The following FANCD2 variants were observed in gnomAD, a reference collection of about 807,000 sequenced individuals.
The protein encoded by FANCD2 is Fanconi anemia group D2 protein.
A neutral mutation model predicts 192.3 loss-of-function variants in FANCD2; 131 were observed. That is an observed-to-expected ratio of 0.68 (90% CI 0.59 to 0.79). The LOEUF (loss-of-function observed/expected upper bound fraction) is 0.79, where lower values mean the gene tolerates loss of function less well. Ranked by LOEUF, FANCD2 falls within the 30% of genes least tolerant of loss-of-function variation. FANCD2 has a pLI of 0.00. For missense variants in FANCD2, 1,508 were observed against 1,701.6 expected, an observed-to-expected ratio of 0.89 and a Z score of 2.00; for synonymous variants, 524 against 612.5, an observed-to-expected ratio of 0.86 and a Z score of 2.13.
chr3:10,086,022 G>T, intron 33 of FANCD2, 100 bp downstream of exon 33: 1 of 793,234 alleles, frequency 1.3e-6, no homozygotes, highest in East Asian at 2.5e-5. Flanking sequence ...TTCAGTAGTT[G>T]TAAAGGAAAT....
chr3:10,040,700 T>C, intron 9 of FANCD2: 1 of 374,288 alleles, frequency 2.7e-6, no homozygotes, highest in Non-Finnish European at 5.2e-6. Flanking sequence ...TTTATTGTAC[T>C]AGAAGTATTT....
chr3:10,050,346 C>T (rs927516617), intron 17 of FANCD2, among the ~76,000 whole-genome samples: 5 of 152,018 alleles, frequency 3.3e-5, no homozygotes, highest in East Asian at 1.9e-4. Context: ...TGTGGCGGTC[C>T]GGGTGCGGTG....
chr3:10,063,722 G>C (rs1422595658), intron 20 of FANCD2, 70 bp from the exon 21 acceptor site: 2 of 1,608,292 alleles, frequency 1.2e-6, no homozygotes. Context: ...AAACAGTCTT[G>C]AAAGGGGCGA....
intron 36 of FANCD2, 90 bp from the exon 37 acceptor site, chr3:10,090,202 G>C: frequency 1.1e-6 from 1 of 887,390 alleles, no homozygotes; most frequent in East Asian, 2.5e-5. Flanking sequence ...GAGAGGTAGG[G>C]AAGGAAGCTA....
intron 14 of FANCD2, among the ~76,000 whole-genome samples, chr3:10,044,758 AT>A (rs1437991624): frequency 6.6e-6 from 1 of 152,110 alleles, no homozygotes; most frequent in East Asian, 1.9e-4. Flanking sequence ...AAAATTCAGA[AT>A]TTTTTCTGGT....
intron 40 of FANCD2, chr3:10,094,985 T>A: frequency 1.7e-6 from 1 of 577,168 alleles, no homozygotes; most frequent in South Asian, 2.0e-5. Flanking sequence ...GCAGGTCTTA[T>A]AACTCTCAGA....
At chr3:10,069,803 G>A (rs1171025194) in intron 26 of FANCD2, among the ~76,000 whole-genome samples, 2 of 152,064 alleles carry the variant, frequency 1.3e-5, no homozygotes, top group East Asian at 1.9e-4. Context: ...GCGTGATCTC[G>A]GCTCGCTACA....
chr3:10,027,854 G>T (rs2086492920), intron 1 of FANCD2, among the ~76,000 whole-genome samples: 1 of 144,580 alleles, frequency 6.9e-6, no homozygotes, highest in African/African-American at 2.7e-5. Flanking sequence ...GCAGTGAGCC[G>T]AGGCTGCACC....
chr3:10,081,398 A>C lies in FANCD2; in HGVS notation c.3158A>C (p.Gln1053Pro), dbSNP rs1693826120. The C allele has an allele frequency of 2.5e-6, 4 of 1,614,142 alleles. No individual in the cohort carries two copies. The East Asian group carries it at 8.9e-5, about 36-fold the overall frequency. The stretch of plus-strand genomic sequence containing the variant: ...GTTGATGGACCAGGAGTGAAAGTTC[A>C]GGAGTACCACATAATGTCTTCCTGC... ...GVVDGPGVKV[Q>P]EYHIMSSCYQ... The change falls in exon 32 of 44, where the codon CAG becomes CCG. Residue 1053 changes from glutamine (Q) to proline (P), a missense_variant. Gln to Pro is a moderately conservative substitution (Grantham distance 76). Coordinates refer to ENST00000675286, the MANE Select transcript of FANCD2 (RefSeq NM_001018115.3).
At chr3:10,080,366 T>C (rs562716514) in intron 30 of FANCD2, among the ~76,000 whole-genome samples, 102 of 152,364 alleles carry the variant, frequency 6.7e-4, no homozygotes, top group African/African-American at 2.3e-3. Flanking sequence ...CCTGAGTAGC[T>C]AGGACCACAG....
chr3:10,060,526 G>A, intron 19 of FANCD2, 123 bp downstream of exon 19: 1 of 770,984 alleles, frequency 1.3e-6, no homozygotes, highest in Non-Finnish European at 2.3e-6. Flanking sequence ...AATGTGTTTT[G>A]CTACTTTTCC....
intron 18 of FANCD2, among the ~76,000 whole-genome samples, chr3:10,054,346 TATATAC>T (rs2087311388): frequency 7.8e-6 from 1 of 128,750 alleles, no homozygotes; most frequent in African/African-American, 3.5e-5. Context: ...CATATATATA[TATATAC>T]GTATATATAT....
At chr3:10,052,573 A>G in intron 18 of FANCD2, 76 bp downstream of exon 18, 10 of 962,462 alleles carry the variant, frequency 1.0e-5, no homozygotes, top group South Asian at 2.6e-5. Context: ...ACTGGAGTGC[A>G]GTTGGCACGA....
At chr3:10,055,052 C>T (rs1048123473) in intron 18 of FANCD2, among the ~76,000 whole-genome samples, 1 of 152,052 alleles carries the variant, frequency 6.6e-6, no homozygotes, top group Admixed American at 6.6e-5. Flanking sequence ...GTTTCCTTTC[C>T]CTTCTTGTTC....
Position 10,046,453 on chromosome 3 carries a change from G to A in FANCD2, c.1135-127G>A, listed in dbSNP as rs1246548783. 5 of 1,480,664 alleles carry A rather than the reference G, an allele frequency of 3.4e-6. No homozygotes were observed. The East Asian group carries it at 1.2e-4, about 37-fold the overall frequency. 91.7% of individuals were successfully genotyped at this position (1,480,664 alleles called of 1,614,324 possible). ...TGTGAAAAGTGTAGATACTCCCAGG[G>A]GAGTGTGTGGAACAAATGAGCATTA... is the stretch of plus-strand genomic sequence containing the variant. On this transcript the variant is annotated intron_variant, in intron 14 of 43. Coordinates refer to ENST00000675286, the MANE Select transcript of FANCD2 (RefSeq NM_001018115.3).
chr3:10,056,287 T>C (rs2087410180), intron 18 of FANCD2, among the ~76,000 whole-genome samples: 1 of 152,218 alleles, frequency 6.6e-6, no homozygotes, highest in Non-Finnish European at 1.5e-5. Context: ...ACCATTGGTT[T>C]ACAAATATTT....
chr3:10,057,992 T>C, intron 18 of FANCD2: 1 of 417,860 alleles, frequency 2.4e-6, no homozygotes, highest in Non-Finnish European at 4.7e-6. Flanking sequence ...AGTAGCTTTT[T>C]TGAGTTAAGC....
Position 10,081,332 on chromosome 3 carries a change from A to T in FANCD2, c.3106-14A>T. On this transcript the variant is annotated splice_polypyrimidine_tract_variant and intron_variant, in intron 31 of 43. Transcript: ENST00000675286. The stretch of plus-strand genomic sequence containing the variant: ...TTACTGAAGCAACTGTCCTAAAATC[A>T]TTTTTATTTTTAGTGTTTAGCTGCT... 1 of 1,613,086 alleles carries T rather than the reference A, an allele frequency of 6.2e-7. No individual in the cohort carries two copies. The highest frequency in any genetic ancestry group is 8.5e-7 in the Non-Finnish European group (1 of 1,179,060).
chr3:10,032,216 C>T (rs747362056), intron 2 of FANCD2: 2 of 331,916 alleles, frequency 6.0e-6, no homozygotes, highest in Non-Finnish European at 1.2e-5. Context: ...TTGAGAGACA[C>T]TGGCTAGTTT....
Sources: allele counts gnomAD v4.1 joint callset (sites outside exome capture counted in the v4.1 genomes callset), GRCh38; gene constraint gnomAD v4.1.1; transcripts MANE v1.5; gene names NCBI Gene and HGNC (gene_info 2026-07-23, HGNC 2026-07-21).